The following GPC5 variants were observed in gnomAD, a reference collection of about 807,000 sequenced individuals.
GPC5 encodes the protein glypican-5.
GPC5 carries 47 observed loss-of-function variants against 53.9 expected under a neutral mutation model. The ratio of observed to expected loss-of-function variants is 0.87; its 90% CI spans 0.69 to 1.11. The LOEUF (loss-of-function observed/expected upper bound fraction) is 1.11. Among genes scored for constraint, GPC5 ranks in the 50% most tolerant of loss-of-function variants. GPC5 has a pLI of 0.00. For synonymous variants in GPC5, 286 were observed against 263.3 expected, an observed-to-expected ratio of 1.09 and a Z score of -0.84; for missense variants, 748 against 713.1, an observed-to-expected ratio of 1.05 and a Z score of -0.56.
intron 7 of GPC5, among the ~76,000 whole-genome samples, chr13:92,321,008 C>A (rs1486783014): frequency 7.9e-5 from 12 of 151,300 alleles, no homozygotes; most frequent in Admixed American, 4.6e-4. Flanking sequence ...CAAATTACTG[C>A]AGATTTTTTT....
chr13:92,156,166 C>T (rs2041943699), intron 7 of GPC5, among the ~76,000 whole-genome samples: 1 of 152,190 alleles, frequency 6.6e-6, no homozygotes, highest in East Asian at 1.9e-4. Flanking sequence ...CATATCTTCT[C>T]TTCTTAACTT....
At chr13:91,852,376 T>G (rs536153157) in intron 5 of GPC5, among the ~76,000 whole-genome samples, 1 of 152,174 alleles carries the variant, frequency 6.6e-6, no homozygotes, top group East Asian at 1.9e-4. Context: ...TCAGGGCAAA[T>G]GACATGTATA....
intron 7 of GPC5, among the ~76,000 whole-genome samples, chr13:92,685,545 T>TTTTTTTTTTTTTAAA (rs1555302910): frequency 6.7e-5 from 1 of 14,996 alleles, no homozygotes; most frequent in African/African-American, 1.3e-4. Context: ...ATTATGCTCA[T>TTTTTTTTTTTTTAAA]TTTTTTTTTT....
intron 7 of GPC5, among the ~76,000 whole-genome samples, chr13:92,480,767 C>T (rs867893776): frequency 3.9e-4 from 43 of 111,464 alleles, no homozygotes; most frequent in Admixed American, 3.3e-3. Context: ...AATCAATCTA[C>T]AGATGTGATT....
At chr13:92,132,268 T>C (rs2041750541) in intron 6 of GPC5, among the ~76,000 whole-genome samples, 1 of 152,180 alleles carries the variant, frequency 6.6e-6, no homozygotes, top group Non-Finnish European at 1.5e-5. Context: ...TGACTGAGAC[T>C]ATATTGAAAG....
intron 2 of GPC5, among the ~76,000 whole-genome samples, chr13:91,597,832 T>C (rs1425543351): frequency 2.0e-5 from 3 of 152,162 alleles, no homozygotes; most frequent in Non-Finnish European, 2.9e-5. Flanking sequence ...TCAGCTCCTG[T>C]TTGCTACTCT....
At chr13:92,494,963 A>G (rs953632887) in intron 7 of GPC5, among the ~76,000 whole-genome samples, 5 of 152,140 alleles carry the variant, frequency 3.3e-5, no homozygotes, top group African/African-American at 9.7e-5. Flanking sequence ...AGATACTTAA[A>G]ATTTCTGCCT....
intron 2 of GPC5, among the ~76,000 whole-genome samples, chr13:91,632,214 G>T (rs989767557): frequency 6.6e-6 from 1 of 152,112 alleles, no homozygotes; most frequent in Non-Finnish European, 1.5e-5. Context: ...TGATATCCTT[G>T]TAAAATGATC....
intron 2 of GPC5, among the ~76,000 whole-genome samples, chr13:91,546,789 T>A (rs530492811): frequency 4.0e-4 from 61 of 152,192 alleles, no homozygotes; most frequent in African/African-American, 1.4e-3. Flanking sequence ...TTGAAAATCA[T>A]TGAAAGAAGC....
intron 2 of GPC5, among the ~76,000 whole-genome samples, chr13:91,630,873 T>A (rs2034140863): frequency 6.6e-6 from 1 of 152,166 alleles, no homozygotes; most frequent in Non-Finnish European, 1.5e-5. Context: ...TAAATGAATA[T>A]CCCTTAACAA....
intron 5 of GPC5, among the ~76,000 whole-genome samples, chr13:91,874,236 G>A (rs1038625761): frequency 6.6e-6 from 1 of 152,012 alleles, no homozygotes; most frequent in Non-Finnish European, 1.5e-5. Flanking sequence ...TTGTGTGGAC[G>A]ATTAATTTTA....
At chr13:91,537,791 A>G (rs73608322) in intron 2 of GPC5, among the ~76,000 whole-genome samples, 2,045 of 152,322 alleles carry the variant, frequency 0.013, 43 homozygotes, top group African/African-American at 0.043. Context: ...AGAAAACTGA[A>G]TTTACAGGAC....
At chr13:91,418,156 T>A (rs1001258329) in intron 1 of GPC5, among the ~76,000 whole-genome samples, 1 of 152,098 alleles carries the variant, frequency 6.6e-6, no homozygotes, top group Non-Finnish European at 1.5e-5. Flanking sequence ...ATTTAAAACA[T>A]GTCATATATA....
chr13:91,563,151 T>C lies in GPC5; in HGVS notation c.325+114229T>C, dbSNP rs982696311. On this transcript the variant is annotated intron_variant, in intron 2 of 7. Coordinates refer to ENST00000377067, the MANE Select transcript of GPC5 (RefSeq NM_004466.6). ...TTTACTCTGTGCTAAAAATCGCAAG[T>C]AACAAGTTTAAAATTACAAAAATTG... is the stretch of plus-strand genomic sequence containing the variant. Among the ~76,000 whole-genome samples, 25 of 152,140 alleles carry C rather than the reference T, an allele frequency of 1.6e-4. 1 individual carries two copies. The highest frequency in any genetic ancestry group is 6.0e-4 in the African/African-American group (25 of 41,450).
At chr13:92,228,534 G>A (rs183490018) in intron 7 of GPC5, among the ~76,000 whole-genome samples, 12 of 152,150 alleles carry the variant, frequency 7.9e-5, no homozygotes, top group Admixed American at 4.6e-4. Flanking sequence ...CAAAAGTAAA[G>A]TATGTGAGAA....
chr13:92,103,404 C>CATATATA (rs2138915254), intron 6 of GPC5, among the ~76,000 whole-genome samples: 2 of 152,222 alleles, frequency 1.3e-5, no homozygotes, highest in South Asian at 4.1e-4. Context: ...TCCATAGAAG[C>CATATATA]ATATATACAT....
At chr13:91,438,096 GC>G (rs1880128612) in intron 1 of GPC5, among the ~76,000 whole-genome samples, 1 of 151,944 alleles carries the variant, frequency 6.6e-6, no homozygotes, top group Non-Finnish European at 1.5e-5. Flanking sequence ...TAACTTCTTT[GC>G]CATGGGTTCG....
At chr13:91,924,462 G>A (rs1328010043) in intron 6 of GPC5, among the ~76,000 whole-genome samples, 2 of 152,064 alleles carry the variant, frequency 1.3e-5, no homozygotes, top group Non-Finnish European at 2.9e-5. Context: ...GCTCCTGCCT[G>A]TAATGGAATC....
At chr13:91,554,671 T>A (rs1279595228) in intron 2 of GPC5, among the ~76,000 whole-genome samples, 1 of 152,044 alleles carries the variant, frequency 6.6e-6, no homozygotes, top group East Asian at 1.9e-4. Context: ...TATATTAGAG[T>A]CAGTGCAAGT....
Sources: allele counts gnomAD v4.1 joint callset (sites outside exome capture counted in the v4.1 genomes callset), GRCh38; gene constraint gnomAD v4.1.1; transcripts MANE v1.5; gene names NCBI Gene and HGNC (gene_info 2026-07-23, HGNC 2026-07-21).